The following RBFOX1 variants were observed in gnomAD, a reference collection of about 807,000 sequenced individuals.
The protein encoded by RBFOX1 is RNA binding protein fox-1 homolog 1.
RBFOX1 carries 8 observed loss-of-function variants against 57.7 expected under a neutral mutation model. The ratio of observed to expected loss-of-function variants is 0.14; its 90% CI spans 0.08 to 0.25. The LOEUF is 0.25. Ranked by LOEUF, RBFOX1 falls within the 10% of genes least tolerant of loss-of-function variation. RBFOX1 has a pLI of 1.00. For synonymous variants in RBFOX1, 326 were observed against 222.4 expected, an observed-to-expected ratio of 1.47 and a Z score of -4.15; for missense variants, 611 against 548.5, an observed-to-expected ratio of 1.11 and a Z score of -1.14.
chr16:7,642,887 CTG>C (rs1044538729), intron 11 of RBFOX1, among the ~76,000 whole-genome samples: 2 of 152,206 alleles, frequency 1.3e-5, no homozygotes, highest in African/African-American at 4.8e-5. Context: ...CACTCCAAGA[CTG>C]AGACTCATTC....
At chr16:6,599,967 G>A (rs1017437472) in intron 2 of RBFOX1, among the ~76,000 whole-genome samples, 1 of 152,160 alleles carries the variant, frequency 6.6e-6, no homozygotes, top group African/African-American at 2.4e-5. Flanking sequence ...ATAACTCACA[G>A]TAAGGTATGC....
At chr16:6,843,379 C>G (rs2093593533) in intron 3 of RBFOX1, among the ~76,000 whole-genome samples, 1 of 151,992 alleles carries the variant, frequency 6.6e-6, no homozygotes, top group Admixed American at 6.6e-5. Flanking sequence ...TTGTATAGCC[C>G]AATCTTATTT....
intron 1 of RBFOX1, among the ~76,000 whole-genome samples, chr16:6,198,263 A>T (rs1026558843): frequency 6.6e-6 from 1 of 152,218 alleles, no homozygotes; most frequent in Admixed American, 6.5e-5. Context: ...ATGTGCACAC[A>T]GAAAAAGAAA....
intron 4 of RBFOX1, among the ~76,000 whole-genome samples, chr16:6,006,183 C>T (rs113090708): frequency 4.6e-4 from 70 of 152,284 alleles, no homozygotes; most frequent in African/African-American, 1.4e-3. Flanking sequence ...CGGTTTCCTA[C>T]GGGGAAATCA....
At chr16:7,230,170 C>G (rs2093417235) in intron 4 of RBFOX1, among the ~76,000 whole-genome samples, 2 of 150,838 alleles carry the variant, frequency 1.3e-5, no homozygotes, top group Admixed American at 1.3e-4. Context: ...TTCGTTTACT[C>G]ATTTCACTTT....
intron 2 of RBFOX1, among the ~76,000 whole-genome samples, chr16:6,531,322 T>G (rs1185021611): frequency 6.6e-6 from 1 of 152,176 alleles, no homozygotes; most frequent in Non-Finnish European, 1.5e-5. Flanking sequence ...TATTTGCAGG[T>G]ACTTCACTTA....
At chr16:5,499,308 T>C (rs1290848173) in intron 2 of RBFOX1, among the ~76,000 whole-genome samples, 1 of 152,206 alleles carries the variant, frequency 6.6e-6, no homozygotes, top group Non-Finnish European at 1.5e-5. Context: ...CTGGTCAGCC[T>C]GTCCTGGCAC....
intron 4 of RBFOX1, among the ~76,000 whole-genome samples, chr16:5,900,807 C>A (rs549214043): frequency 1.3e-5 from 2 of 152,310 alleles, no homozygotes; most frequent in Non-Finnish European, 2.9e-5. Context: ...GAATTCACAA[C>A]CACCGTCAAG....
rs533717930 is a variant in RBFOX1, at chr16:7,435,691, T to C, written c.28-82456T>C. Among the ~76,000 whole-genome samples, 73 of 152,362 alleles carry C rather than the reference T, an allele frequency of 4.8e-4. 1 individual carries two copies. Among genetic ancestry groups the C allele is most frequent in the Non-Finnish European group, 8.2e-4 (56 of 68,030 alleles). On this transcript the variant is annotated intron_variant, in intron 4 of 15. Coordinates refer to ENST00000550418, the MANE Select transcript of RBFOX1 (RefSeq NM_018723.4). ...CAGGAACATTGCCTGCCCCCGAAGCTATTTAGCTGTAGGTTTTGGCCTTCA... is the reference window on the plus strand; with the variant it reads ...CAGGAACATTGCCTGCCCCCGAAGCCATTTAGCTGTAGGTTTTGGCCTTCA...
At chr16:7,368,133 G>A (rs748700999) in intron 4 of RBFOX1, among the ~76,000 whole-genome samples, 1 of 152,002 alleles carries the variant, frequency 6.6e-6, no homozygotes, top group Non-Finnish European at 1.5e-5. Context: ...TGGACATGGT[G>A]GCACACACCA....
intron 4 of RBFOX1, among the ~76,000 whole-genome samples, chr16:7,136,788 C>T (rs1410092855): frequency 6.6e-6 from 1 of 152,136 alleles, no homozygotes; most frequent in Non-Finnish European, 1.5e-5. Context: ...TTAGTATTAA[C>T]CAGGGCATTC....
At chr16:6,770,799 A>G (rs563225321) in intron 3 of RBFOX1, among the ~76,000 whole-genome samples, 7 of 152,244 alleles carry the variant, frequency 4.6e-5, no homozygotes, top group South Asian at 4.1e-4. Context: ...TACTCTTTAT[A>G]TGACAGGGAG....
chr16:6,864,995 CTTTTTT>C (rs34341448), intron 3 of RBFOX1, among the ~76,000 whole-genome samples: 10 of 82,566 alleles, frequency 1.2e-4, no homozygotes, highest in Admixed American at 1.6e-4. Context: ...TTTTCTTTTT[CTTTTTT>C]TTTTTTTTTT....
intron 13 of RBFOX1, among the ~76,000 whole-genome samples, chr16:7,669,870 C>T (rs1230246368): frequency 1.3e-5 from 2 of 152,094 alleles, no homozygotes; most frequent in Admixed American, 6.6e-5. Flanking sequence ...ACTTGCCGTC[C>T]GCAGTCACCA....
At chr16:6,663,314 G>T (rs951025557) in intron 3 of RBFOX1, among the ~76,000 whole-genome samples, 3 of 152,180 alleles carry the variant, frequency 2.0e-5, no homozygotes, top group African/African-American at 7.2e-5. Context: ...CCGTGAGGAA[G>T]AAGAAAGGAG....
chr16:7,030,898 C>G (rs999564871), intron 3 of RBFOX1, among the ~76,000 whole-genome samples: 1 of 152,164 alleles, frequency 6.6e-6, no homozygotes, highest in South Asian at 2.1e-4. Context: ...TGAATCCAAT[C>G]CTTGTCATTT....
chr16:6,628,071 A>G (rs868173269), intron 2 of RBFOX1, among the ~76,000 whole-genome samples: 3 of 152,210 alleles, frequency 2.0e-5, no homozygotes, highest in South Asian at 4.1e-4. Flanking sequence ...CCATGAGCCC[A>G]GCCAGGCTCC....
chr16:6,159,222 G>A (rs968679988), intron 1 of RBFOX1, among the ~76,000 whole-genome samples: 10 of 151,996 alleles, frequency 6.6e-5, no homozygotes, highest in African/African-American at 1.7e-4. Context: ...GTCTATAGAC[G>A]CACACCACCA....
At chr16:7,628,398 G>C (rs895111757) in intron 10 of RBFOX1, among the ~76,000 whole-genome samples, 2 of 152,100 alleles carry the variant, frequency 1.3e-5, no homozygotes, top group African/African-American at 4.8e-5. Flanking sequence ...AACCGCTGCA[G>C]AGTCACACAG....
Sources: gnomAD v4.1 joint callset for allele counts (sites outside exome capture counted in the v4.1 genomes callset) on GRCh38, gnomAD v4.1.1 for gene constraint, MANE v1.5 for transcripts, NCBI Gene and HGNC (gene_info 2026-07-23, HGNC 2026-07-21) for gene names.